Variants in STOM observed in about 807,000 individuals in gnomAD.
STOM encodes the protein stomatin, also known as erythrocyte band 7 integral membrane protein.
Under a neutral mutation model 30.6 loss-of-function variants are expected in STOM, and 25 were observed. The ratio of observed to expected loss-of-function variants is 0.82; its 90% CI spans 0.60 to 1.14. The LOEUF is 1.14. Ranked by LOEUF, STOM falls within the 50% of genes most tolerant of loss-of-function variation. The pLI, the probability that STOM is intolerant of heterozygous loss-of-function variation, is 0.00. For synonymous variants in STOM, 118 were observed against 130.8 expected (o/e 0.90, Z 0.67); for missense variants, 292 against 365.2 (o/e 0.80, Z 1.63).
chr9:121,342,482 TG>T (rs1416287084), intron 6 of STOM, among the ~76,000 whole-genome samples: 1 of 152,136 alleles, frequency 6.6e-6, no homozygotes, highest in Non-Finnish European at 1.5e-5. Flanking sequence ...GGACTAAATA[TG>T]TTGCAGTATG....
In STOM at chr9:121,353,227, G is replaced by C; in HGVS notation, c.314C>G (p.Pro105Arg). The C allele has an allele frequency of 6.2e-7, 1 of 1,607,718 alleles. No individual in the cohort carries two copies. The highest frequency in any genetic ancestry group is 8.5e-7 in the Non-Finnish European group (1 of 1,176,672). Residue 105 changes from proline to arginine, a missense_variant, in exon 4 of 7, where the codon CCT (proline) becomes CGT (arginine). Pro to Arg is a moderately radical substitution (Grantham distance 103). Transcript: ENST00000286713. The stretch of plus-strand genomic sequence containing the variant: ...ATTCAAAGAAAACCTTACCTCCTGA[G>C]GAGGAATATCAAATGAAATAGTTCT... Reference protein sequence around the residue: ...DMRTISFDIPPQEILTKDSVT... With the variant: ...DMRTISFDIPRQEILTKDSVT...
chr9:121,353,582 T>C (rs879519014), intron 3 of STOM, among the ~76,000 whole-genome samples: 2 of 152,180 alleles, frequency 1.3e-5, no homozygotes, highest in African/African-American at 2.4e-5. Flanking sequence ...CCAGGCCATC[T>C]TTCTATTTTT....
chr9:121,355,194 A>C (rs1458235757), intron 2 of STOM, among the ~76,000 whole-genome samples: 1 of 146,588 alleles, frequency 6.8e-6, no homozygotes, highest in African/African-American at 2.5e-5. Context: ...AGATCGCACC[A>C]CTGCACTCCA....
At chr9:121,363,107 A>G (rs957310607) in intron 1 of STOM, among the ~76,000 whole-genome samples, 7 of 152,220 alleles carry the variant, frequency 4.6e-5, no homozygotes, top group African/African-American at 1.7e-4. Flanking sequence ...ATCCTACACA[A>G]TAAGAAAGGA....
intron 1 of STOM, among the ~76,000 whole-genome samples, chr9:121,361,668 G>A (rs1057011586): frequency 3.5e-4 from 53 of 152,224 alleles, no homozygotes; most frequent in South Asian, 1.0e-3. Flanking sequence ...GATTACAGGC[G>A]TGAGCCAATG....
At chr9:121,344,178 C>T (rs766404276) in intron 6 of STOM, among the ~76,000 whole-genome samples, 1 of 152,192 alleles carries the variant, frequency 6.6e-6, no homozygotes, top group South Asian at 2.1e-4. Context: ...ATCAAAGCCA[C>T]ACATCATGTC....
intron 6 of STOM, among the ~76,000 whole-genome samples, chr9:121,345,175 AGAT>A (rs1322161378): frequency 6.6e-6 from 1 of 152,204 alleles, no homozygotes; most frequent in Non-Finnish European, 1.5e-5. Flanking sequence ...CATTTCTGTT[AGAT>A]TCATACTTAG....
At chr9:121,362,193 CT>C (rs1433503611) in intron 1 of STOM, among the ~76,000 whole-genome samples, 3 of 152,066 alleles carry the variant, frequency 2.0e-5, no homozygotes, top group African/African-American at 4.8e-5. Context: ...TCTAAAATTG[CT>C]TTTTTACTTT....
At chr9:121,354,120 C>T (rs1035572515) in intron 3 of STOM, among the ~76,000 whole-genome samples, 6 of 152,156 alleles carry the variant, frequency 3.9e-5, no homozygotes, top group African/African-American at 1.4e-4. Flanking sequence ...TGAAGTTTGC[C>T]AAATGAATGA....
At chr9:121,354,876 A>G (rs1340667156) in intron 2 of STOM, among the ~76,000 whole-genome samples, 1 of 152,256 alleles carries the variant, frequency 6.6e-6, no homozygotes, top group Non-Finnish European at 1.5e-5. Context: ...CAAAAGCAAT[A>G]GATATTCACT....
At chr9:121,349,375 T>C in intron 4 of STOM, 52 bp from the exon 5 acceptor site, 1 of 1,502,102 alleles carries the variant, frequency 6.7e-7, no homozygotes, top group Non-Finnish European at 9.3e-7. Flanking sequence ...TTTTTTAACA[T>C]AACTGTAAGG....
intron 1 of STOM, among the ~76,000 whole-genome samples, chr9:121,364,726 C>T (rs1254448840): frequency 6.6e-6 from 1 of 152,042 alleles, no homozygotes; most frequent in Non-Finnish European, 1.5e-5. Context: ...TCAGGCCATA[C>T]AAGAGGAAAA....
intron 1 of STOM, among the ~76,000 whole-genome samples, chr9:121,361,744 C>T (rs904266515): frequency 1.8e-4 from 27 of 152,120 alleles, no homozygotes; most frequent in African/African-American, 6.5e-4. Flanking sequence ...TCCTATGATA[C>T]TTGGTTGTAA....
chr9:121,352,021 A>G (rs1483050181), intron 4 of STOM, among the ~76,000 whole-genome samples: 1 of 152,220 alleles, frequency 6.6e-6, no homozygotes, highest in Non-Finnish European at 1.5e-5. Flanking sequence ...GTTGATAGTA[A>G]TAACAATGAT....
Position 121,340,912 on chromosome 9 carries a change from G to A in STOM, c.*290C>T, listed in dbSNP as rs1203292318. The stretch of plus-strand genomic sequence containing the variant: ...TGCCTCTGGCCTGGGTGCTTAGGGG[G>A]TTCAGAATGAGTCAGTGGAAGTCAA... On this transcript the variant is annotated 3_prime_UTR_variant, in exon 7 of 7. Transcript: ENST00000286713. 1 of 1,229,130 alleles carries A rather than the reference G, an allele frequency of 8.1e-7. No individual in the cohort carries two copies. The highest frequency in any genetic ancestry group is 1.0e-6 in the Non-Finnish European group (1 of 972,736). The allele number at this position is 1,229,130 out of a possible 1,614,324, so 76.1% of individuals were successfully genotyped here. A position where few individuals can be genotyped will look rare whatever the true frequency, so the allele number is the denominator to read the frequency against.
chr9:121,342,763 C>T (rs940792296), intron 6 of STOM, among the ~76,000 whole-genome samples: 8 of 152,142 alleles, frequency 5.3e-5, no homozygotes, highest in African/African-American at 1.9e-4. Context: ...TACATAAATT[C>T]AAGATGAAAA....
intron 2 of STOM, among the ~76,000 whole-genome samples, chr9:121,355,784 A>G (rs2064383100): frequency 6.6e-6 from 1 of 152,232 alleles, no homozygotes; most frequent in Non-Finnish European, 1.5e-5. Flanking sequence ...TTGTTCTCTC[A>G]GAACCATCTC....
chr9:121,366,912 A>G (rs2064509209), intron 1 of STOM, among the ~76,000 whole-genome samples: 1 of 150,694 alleles, frequency 6.6e-6, no homozygotes, highest in Non-Finnish European at 1.5e-5. Flanking sequence ...ACATAGTGAG[A>G]CCCTGAGTTA....
intron 6 of STOM, among the ~76,000 whole-genome samples, chr9:121,345,635 C>T (rs113241133): frequency 1.1e-4 from 17 of 152,260 alleles, no homozygotes; most frequent in African/African-American, 3.4e-4. Context: ...ACAGTCACTG[C>T]CCAGGTTCAT....
Sources: allele counts gnomAD v4.1 joint callset (sites outside exome capture counted in the v4.1 genomes callset), GRCh38; gene constraint gnomAD v4.1.1; transcripts MANE v1.5; gene names NCBI Gene and HGNC (gene_info 2026-07-23, HGNC 2026-07-21).